ADARB1: variants seen among roughly 807,000 people sequenced by gnomAD.
The protein encoded by ADARB1 is double-stranded RNA-specific editase 1.
ADARB1 carries 10 observed loss-of-function variants against 52.4 expected under a neutral mutation model. That is an observed-to-expected ratio of 0.19 (90% CI 0.12 to 0.32). The LOEUF (loss-of-function observed/expected upper bound fraction) is 0.32, where lower values mean the gene tolerates loss of function less well. Among genes scored for constraint, ADARB1 ranks in the 10% least tolerant of loss-of-function variants. The pLI, the probability that ADARB1 is intolerant of heterozygous loss-of-function variation, is 1.00. For missense variants in ADARB1, 643 were observed against 922.3 expected, an observed-to-expected ratio of 0.70 and a Z score of 3.92; for synonymous variants, 349 against 371.1, an observed-to-expected ratio of 0.94 and a Z score of 0.68.
chr21:45,161,105 GT>G (rs1262255390), intron 2 of ADARB1, among the ~76,000 whole-genome samples: 1 of 152,188 alleles, frequency 6.6e-6, no homozygotes, highest in Non-Finnish European at 1.5e-5. Context: ...GATGAGGCTG[GT>G]GATGGCAGCT....
At chr21:45,180,066 G>A (rs565865618) in intron 4 of ADARB1, among the ~76,000 whole-genome samples, 1 of 152,374 alleles carries the variant, frequency 6.6e-6, no homozygotes, top group Non-Finnish European at 1.5e-5. Flanking sequence ...GGATGCTCAT[G>A]TGTGGTGCCC....
chr21:45,129,531 C>T (rs564943520), intron 2 of ADARB1, among the ~76,000 whole-genome samples: 3 of 152,344 alleles, frequency 2.0e-5, no homozygotes, highest in South Asian at 4.1e-4. Flanking sequence ...TACTGACGAG[C>T]GCCCACTGGG....
intron 8 of ADARB1, among the ~76,000 whole-genome samples, chr21:45,202,495 C>T (rs2092576396): frequency 6.6e-6 from 1 of 152,112 alleles, no homozygotes; most frequent in Non-Finnish European, 1.5e-5. Context: ...TTCAGGCCTC[C>T]AAATACAACT....
chr21:45,137,760 G>A (rs2089474780), intron 2 of ADARB1, among the ~76,000 whole-genome samples: 1 of 152,006 alleles, frequency 6.6e-6, no homozygotes, highest in Non-Finnish European at 1.5e-5. Flanking sequence ...GGGATGGAAG[G>A]AGGTGTGCCC....
chr21:45,127,719 A>AC (rs1436751803), intron 1 of ADARB1, among the ~76,000 whole-genome samples: 1 of 151,582 alleles, frequency 6.6e-6, no homozygotes, highest in Non-Finnish European at 1.5e-5. Flanking sequence ...CCCTGGACAC[A>AC]CCTCCCAGAG....
At chr21:45,076,312 G>A (rs926482951) in intron 1 of ADARB1, among the ~76,000 whole-genome samples, 3 of 152,206 alleles carry the variant, frequency 2.0e-5, no homozygotes, top group African/African-American at 7.2e-5. Context: ...AGCCACAACG[G>A]GGGCTCGGTA....
intron 8 of ADARB1, among the ~76,000 whole-genome samples, chr21:45,197,267 C>T (rs535787174): frequency 2.4e-4 from 36 of 150,958 alleles, no homozygotes; most frequent in Non-Finnish European, 4.1e-4. Context: ...TTTGGGAGGC[C>T]GAGGCGGGTG....
At chr21:45,135,375 A>G (rs941899116) in intron 2 of ADARB1, among the ~76,000 whole-genome samples, 5 of 152,302 alleles carry the variant, frequency 3.3e-5, no homozygotes, top group Middle Eastern at 3.4e-3. Context: ...TCCTCCTGGC[A>G]CCCCTTAGTG....
In ADARB1 at chr21:45,109,254, CGTAT is replaced by C. The variant is rs1432619669; in HGVS notation, c.-219-19145_-219-19142del. 9.6e-3 allele frequency among the ~76,000 whole-genome samples: 1,014 copies of C among 106,016 alleles called. 14 individuals carry two copies. Among genetic ancestry groups the C allele is most frequent in the Non-Finnish European group, 0.012 (638 of 51,304 alleles). The allele number at this position is 106,016 out of a possible 152,430, so 69.6% of individuals were successfully genotyped here. ...GTGTATATGTGTGTGCGCGCGTGTGCGTATGTGTGTGCACTGCGCGCGTGTGCGC... is the reference window on the plus strand; with the variant it reads ...GTGTATATGTGTGTGCGCGCGTGTGCGTGTGTGCACTGCGCGCGTGTGCGC... On this transcript the variant is annotated intron_variant, in intron 1 of 10. Transcript: ENST00000348831.
intron 2 of ADARB1, among the ~76,000 whole-genome samples, chr21:45,149,565 T>A (rs2090179011): frequency 6.6e-6 from 1 of 152,388 alleles, no homozygotes; most frequent in Non-Finnish European, 1.5e-5. Flanking sequence ...ATGGTTTTTA[T>A]ATGAATTAAT....
chr21:45,218,511 G>A (rs185129467), intron 9 of ADARB1, among the ~76,000 whole-genome samples: 36 of 152,216 alleles, frequency 2.4e-4, no homozygotes, highest in South Asian at 1.2e-3. Flanking sequence ...TCAGTGCTCC[G>A]CAGGATATTC....
At chr21:45,184,776 A>G (rs2092045368) in intron 7 of ADARB1, 147 bp from the exon 8 acceptor site, 1 of 907,424 alleles carries the variant, frequency 1.1e-6, no homozygotes, top group East Asian at 2.5e-5. Flanking sequence ...CTTATTTTGT[A>G]TGTGTATTTT....
intron 1 of ADARB1, among the ~76,000 whole-genome samples, chr21:45,080,367 A>T (rs188534571): frequency 1.5e-3 from 224 of 152,372 alleles, no homozygotes; most frequent in Non-Finnish European, 2.7e-3. Flanking sequence ...GTTGGAGCCA[A>T]GTCCTTGAGA....
intron 2 of ADARB1, among the ~76,000 whole-genome samples, chr21:45,141,065 G>A (rs2089694391): frequency 6.6e-6 from 1 of 152,120 alleles, no homozygotes; most frequent in African/African-American, 2.4e-5. Flanking sequence ...AGGCATGGTG[G>A]CACATGCCTG....
At chr21:45,193,002 G>C (rs977432468) in intron 8 of ADARB1, among the ~76,000 whole-genome samples, 32 of 152,082 alleles carry the variant, frequency 2.1e-4, no homozygotes, top group African/African-American at 7.5e-4. Flanking sequence ...CTTCACTATT[G>C]AATTCCAAAC....
intron 2 of ADARB1, among the ~76,000 whole-genome samples, chr21:45,133,210 C>T (rs576124912): frequency 1.3e-5 from 2 of 152,358 alleles, no homozygotes; most frequent in African/African-American, 4.8e-5. Context: ...CAGGGGCTGC[C>T]GTTGCTTCTG....
intron 9 of ADARB1, among the ~76,000 whole-genome samples, chr21:45,211,218 G>A (rs1363133759): frequency 6.6e-6 from 1 of 152,212 alleles, no homozygotes; most frequent in African/African-American, 2.4e-5. Flanking sequence ...CAGCTCAAGG[G>A]CTGCCCTTAA....
At chr21:45,164,879 T>C (rs1472393712) in intron 2 of ADARB1, among the ~76,000 whole-genome samples, 1 of 151,748 alleles carries the variant, frequency 6.6e-6, no homozygotes, top group Non-Finnish European at 1.5e-5. Context: ...GCTGGTGACA[T>C]GGGGTGTGGG....
intron 1 of ADARB1, among the ~76,000 whole-genome samples, chr21:45,083,731 G>GT (rs758324516): frequency 5.9e-5 from 9 of 152,172 alleles, no homozygotes. Flanking sequence ...GTCTTGCTTT[G>GT]TTGCTCAGGC....
Sources: gnomAD v4.1 joint callset for allele counts (sites outside exome capture counted in the v4.1 genomes callset) on GRCh38, gnomAD v4.1.1 for gene constraint, MANE v1.5 for transcripts, NCBI Gene and HGNC (gene_info 2026-07-23, HGNC 2026-07-21) for gene names.